Variants in PRKAA2 observed in about 807,000 individuals in gnomAD.
The protein encoded by PRKAA2 is 5'-AMP-activated protein kinase catalytic subunit alpha-2.
In PRKAA2, 40 loss-of-function variants were observed where a neutral mutation model predicts 56.3. The observed-to-expected ratio is 0.71, with a 90% CI of 0.55 to 0.92. The LOEUF is 0.92. PRKAA2 is among the 40% of genes least tolerant of loss of function. The probability of loss-of-function intolerance (pLI) is 0.00; values close to 1 mark genes in which losing one functional copy is unlikely to be tolerated. For synonymous variants in PRKAA2, 214 were observed against 234.2 expected (o/e 0.91, Z 0.79); for missense variants, 542 against 686.9 (o/e 0.79, Z 2.36).
chr1:56,650,071 G>T (rs192545864), intron 1 of PRKAA2, among the ~76,000 whole-genome samples: 9 of 152,078 alleles, frequency 5.9e-5, no homozygotes, highest in Admixed American at 2.6e-4. Context: ...CTCCAGCCTG[G>T]GTGACAGAGC....
chr1:56,656,592 A>G (rs1355489740), intron 1 of PRKAA2, among the ~76,000 whole-genome samples: 4 of 152,182 alleles, frequency 2.6e-5, no homozygotes, highest in Non-Finnish European at 5.9e-5. Flanking sequence ...TTCAAACTCA[A>G]GCACTTCCTG....
intron 1 of PRKAA2, among the ~76,000 whole-genome samples, chr1:56,661,931 T>C (rs1250036995): frequency 6.6e-6 from 1 of 152,100 alleles, no homozygotes; most frequent in Non-Finnish European, 1.5e-5. Flanking sequence ...TGAGTTATAA[T>C]CTTCACTATG....
chr1:56,689,839 T>C (rs1644215045), intron 2 of PRKAA2, among the ~76,000 whole-genome samples: 2 of 151,578 alleles, frequency 1.3e-5, no homozygotes, highest in Admixed American at 1.3e-4. Context: ...ATAAAGCTAA[T>C]TTTTTTTCTT....
At position 56,711,374 on chromosome 1, in the gene PRKAA2, T is replaced by C. The variant is rs1002227420; in HGVS notation, c.*3661T>C. The C allele has an allele frequency of 6.6e-6, 1 of 152,116 alleles. No individual in the cohort carries two copies. The highest frequency in any genetic ancestry group is 2.4e-5 in the African/African-American group (1 of 41,444). The allele number at this position is 152,116 out of a possible 1,614,324, so 9.4% of individuals were successfully genotyped here. A position where few individuals can be genotyped will look rare whatever the true frequency, so the allele number is the denominator to read the frequency against. On this transcript the variant is annotated 3_prime_UTR_variant, in exon 9 of 9. Transcript: ENST00000371244. The stretch of plus-strand genomic sequence containing the variant: ...ATCTGTAGCATTGAATAATGTGCAG[T>C]GTACTGAGTTAATGTAGGCACCTCA...
intron 1 of PRKAA2, among the ~76,000 whole-genome samples, chr1:56,646,508 G>A (rs1003076313): frequency 6.6e-6 from 1 of 152,098 alleles, no homozygotes; most frequent in African/African-American, 2.4e-5. Context: ...AGTTAAGTAT[G>A]GAACTTTCAT....
At position 56,714,689 on chromosome 1, in the gene PRKAA2, T is replaced by G. The variant is rs575927095; in HGVS notation, c.*6976T>G. The G allele has an allele frequency of 2.6e-5, 4 of 152,274 alleles. No individual in the cohort carries two copies. The highest frequency in any genetic ancestry group is 7.2e-5 in the African/African-American group (3 of 41,582). The allele number at this position is 152,274 out of a possible 1,614,324, so 9.4% of individuals were successfully genotyped here. A position where few individuals can be genotyped will look rare whatever the true frequency, so the allele number is the denominator to read the frequency against. On this transcript the variant is annotated 3_prime_UTR_variant, in exon 9 of 9. Transcript: ENST00000371244. ...AATGTTTTGAACATTTAATGTAAAGTTGTTGTAGAACTGTGAACTCTAAGG... is the reference window on the plus strand; with the variant it reads ...AATGTTTTGAACATTTAATGTAAAGGTGTTGTAGAACTGTGAACTCTAAGG...
chr1:56,672,959 TA>T (rs1644088441), intron 1 of PRKAA2, among the ~76,000 whole-genome samples: 1 of 152,078 alleles, frequency 6.6e-6, no homozygotes, highest in Non-Finnish European at 1.5e-5. Context: ...TGGATAGGCT[TA>T]AGAGAAATAG....
intron 2 of PRKAA2, among the ~76,000 whole-genome samples, chr1:56,675,290 TA>T (rs1467586994): frequency 6.6e-6 from 1 of 152,166 alleles, no homozygotes; most frequent in Admixed American, 6.6e-5. Context: ...TTTTATAAAA[TA>T]AGTATTGCTC....
rs561074668 is a variant in PRKAA2 at position 56,711,912 on chromosome 1, G to T, written c.*4199G>T. 6.6e-6 allele frequency: 1 copy of T among 152,180 alleles called. No homozygotes were observed. Among genetic ancestry groups the T allele is most frequent in the Non-Finnish European group, 1.5e-5 (1 of 67,990 alleles). 9.4% of individuals were successfully genotyped at this position (152,180 alleles called of 1,614,324 possible). On this transcript the variant is annotated 3_prime_UTR_variant, in exon 9 of 9. Coordinates refer to ENST00000371244, the MANE Select transcript of PRKAA2 (RefSeq NM_006252.4). Reference sequence around the variant, plus strand: ...TTTGATTTGGTGAGGCATGTCAGAGGTATATACTTGAATATTTTTCTAAAT... The same window carrying T: ...TTTGATTTGGTGAGGCATGTCAGAGTTATATACTTGAATATTTTTCTAAAT...
chr1:56,705,858 A>G lies in PRKAA2; in HGVS notation c.1294-234A>G, dbSNP rs146920284. 5.2e-3 allele frequency among the ~76,000 whole-genome samples: 790 copies of G among 152,170 alleles called. 8 individuals carry two copies. Among genetic ancestry groups the G allele is most frequent in the Non-Finnish European group, 8.7e-3 (590 of 68,006 alleles). ...TCTTTAAGTTTTTCCTTTATCTTTC[A>G]CTTTTTTCTTCAGTACCCCAAATTT... On this transcript the variant is annotated intron_variant, in intron 7 of 8. Coordinates refer to ENST00000371244, the MANE Select transcript of PRKAA2 (RefSeq NM_006252.4).
chr1:56,708,317 AT>A lies in PRKAA2; in HGVS notation c.*608del, dbSNP rs1309063897. ...TGTGGTCATGTAACAGGTAACCACA[AT>A]TTTCAGGTTTCTTAAAAACAGCTGT... On this transcript the variant is annotated 3_prime_UTR_variant, in exon 9 of 9. Transcript: ENST00000371244. 1 of 152,156 alleles carries A rather than the reference AT, an allele frequency of 6.6e-6. No individual in the cohort carries two copies. The highest frequency in any genetic ancestry group is 1.5e-5 in the Non-Finnish European group (1 of 68,052). The allele number at this position is 152,156 out of a possible 1,614,324, so 9.4% of individuals were successfully genotyped here.
At chr1:56,659,568 C>A (rs1220381442) in intron 1 of PRKAA2, among the ~76,000 whole-genome samples, 2 of 151,254 alleles carry the variant, frequency 1.3e-5, no homozygotes, top group Non-Finnish European at 2.9e-5. Context: ...TGCTGCTGCA[C>A]AAATTAACGT....
intron 7 of PRKAA2, 81 bp from the exon 8 acceptor site, chr1:56,706,011 A>G: frequency 2.4e-6 from 3 of 1,226,586 alleles, no homozygotes; most frequent in East Asian, 2.5e-5. Flanking sequence ...CCTCACCCCT[A>G]TTAATTATTT....
At chr1:56,656,221 G>A (rs1643939803) in intron 1 of PRKAA2, among the ~76,000 whole-genome samples, 1 of 152,114 alleles carries the variant, frequency 6.6e-6, no homozygotes. Context: ...ACAAAAGGAT[G>A]AAAAGAAAGT....
chr1:56,688,814 T>A (rs1393790243), intron 2 of PRKAA2, among the ~76,000 whole-genome samples: 1 of 152,216 alleles, frequency 6.6e-6, no homozygotes, highest in Non-Finnish European at 1.5e-5. Context: ...ATTTAATGTC[T>A]GTCTTTCTGG....
chr1:56,704,049 T>C lies in PRKAA2; in HGVS notation c.867T>C (p.Asp289=). The part of the protein sequence containing the change: ...EDPSYDANVI[D]DEAVKEVCEK... The stretch of plus-strand genomic sequence containing the variant: ...CTTCCTATGATGCTAACGTCATTGA[T>C]GATGAGGCTGTGAAAGAAGTGTGTG... The change falls in exon 7 of 9, where the codon GAT becomes GAC. Residue 289 remains aspartate (D), a synonymous_variant. Transcript: ENST00000371244. 1 of 1,614,092 alleles carries C rather than the reference T, an allele frequency of 6.2e-7. No individual in the cohort carries two copies. Among genetic ancestry groups the C allele is most frequent in the Non-Finnish European group, 8.5e-7 (1 of 1,179,942 alleles).
At chr1:56,653,505 A>G (rs1250669433) in intron 1 of PRKAA2, among the ~76,000 whole-genome samples, 1 of 152,122 alleles carries the variant, frequency 6.6e-6, no homozygotes, top group African/African-American at 2.4e-5. Context: ...TTTTGTCATA[A>G]ACCAGCTATG....
intron 1 of PRKAA2, among the ~76,000 whole-genome samples, chr1:56,667,758 A>G (rs1644046412): frequency 6.6e-6 from 1 of 152,168 alleles, no homozygotes; most frequent in Non-Finnish European, 1.5e-5. Flanking sequence ...TATCCCTCAC[A>G]GATTTGTGAG....
At chr1:56,675,355 T>G (rs1644105709) in intron 2 of PRKAA2, among the ~76,000 whole-genome samples, 1 of 149,580 alleles carries the variant, frequency 6.7e-6, no homozygotes, top group Non-Finnish European at 1.5e-5. Context: ...ATTTTTTTTT[T>G]GTCAAGTTTC....
Sources: gnomAD v4.1 joint callset for allele counts (sites outside exome capture counted in the v4.1 genomes callset) on GRCh38, gnomAD v4.1.1 for gene constraint, MANE v1.5 for transcripts, NCBI Gene and HGNC (gene_info 2026-07-23, HGNC 2026-07-21) for gene names.